SPTBN4: variants seen among roughly 807,000 people sequenced by gnomAD.
SPTBN4 encodes spectrin beta chain, non-erythrocytic 4.
A neutral mutation model predicts 277.8 loss-of-function variants in SPTBN4; 96 were observed. The observed-to-expected ratio is 0.35, with a 90% CI of 0.29 to 0.41. The LOEUF (loss-of-function observed/expected upper bound fraction) is 0.41. SPTBN4 is among the 10% of genes least tolerant of loss of function. SPTBN4 has a pLI of 1.00. For missense variants in SPTBN4, 3,006 were observed against 3,595.7 expected, an observed-to-expected ratio of 0.84 and a Z score of 4.19; for synonymous variants, 1,481 against 1,580.3, an observed-to-expected ratio of 0.94 and a Z score of 1.49.
At chr19:40,525,522 G>T (rs191850065) in intron 17 of SPTBN4, among the ~76,000 whole-genome samples, 2 of 152,026 alleles carry the variant, frequency 1.3e-5, no homozygotes, top group Non-Finnish European at 2.9e-5. Context: ...TGCATGCCAG[G>T]CTCAGCAAAA....
Position 40,532,752 on chromosome 19 carries a change from G to C in SPTBN4, c.4076G>C (p.Trp1359Ser). 1 of 1,612,774 alleles carries C rather than the reference G, an allele frequency of 6.2e-7. No homozygotes were observed. The highest frequency in any genetic ancestry group is 8.5e-7 in the Non-Finnish European group (1 of 1,179,288). ...FMAELAQNKE[W>S]LEKIEREGQQ... is the part of the protein sequence containing the mutation. ...GCCGAGCTGGCTCAGAATAAGGAGT[G>C]GCTGGAGAAGATCGAGCGGGTGAGG... The change falls in exon 19 of 36, where the codon TGG becomes TCG. Residue 1359 changes from tryptophan to serine, a missense_variant. Trp to Ser is a radical substitution (Grantham distance 177). Transcript: ENST00000598249.
intron 2 of SPTBN4, among the ~76,000 whole-genome samples, chr19:40,482,674 C>T (rs940478652): frequency 6.6e-6 from 1 of 152,130 alleles, no homozygotes; most frequent in Non-Finnish European, 1.5e-5. Context: ...CCAAATATAT[C>T]TCAGAGGCTG....
chr19:40,528,944 T>C (rs1237869185), intron 17 of SPTBN4, 97 bp from the exon 18 acceptor site: 3 of 889,966 alleles, frequency 3.4e-6, no homozygotes, highest in Non-Finnish European at 5.5e-6. Flanking sequence ...TCCACGCCCT[T>C]CTTCCCCTAC....
At chr19:40,485,123 G>C (rs559660504) in intron 2 of SPTBN4, among the ~76,000 whole-genome samples, 1 of 152,000 alleles carries the variant, frequency 6.6e-6, no homozygotes, top group African/African-American at 2.4e-5. Flanking sequence ...GATTACAGGC[G>C]TGAGCCACCG....
intron 16 of SPTBN4, 98 bp from the exon 17 acceptor site, chr19:40,523,339 C>T: frequency 8.5e-7 from 1 of 1,181,710 alleles, no homozygotes; most frequent in Non-Finnish European, 1.2e-6. Flanking sequence ...TCTATGCTTG[C>T]AAGGTTGCGG....
intron 7 of SPTBN4, among the ~76,000 whole-genome samples, chr19:40,501,144 G>A (rs1326386653): frequency 2.6e-5 from 4 of 151,388 alleles, no homozygotes; most frequent in Non-Finnish European, 5.9e-5. Flanking sequence ...AGGCTGAGGT[G>A]GGAGGATTGC....
At chr19:40,487,037 A>G (rs1422245969) in intron 2 of SPTBN4, among the ~76,000 whole-genome samples, 4 of 144,836 alleles carry the variant, frequency 2.8e-5, no homozygotes, top group Non-Finnish European at 4.5e-5. Flanking sequence ...CTGAGGCTGG[A>G]CTCTCTTTTT....
At position 40,568,136 on chromosome 19, in the gene SPTBN4, G is replaced by T; in HGVS notation, c.6810G>T (p.Gln2270His). ...EAARRRRPERQESAEHEAAHS... is the reference protein window; with the variant it reads ...EAARRRRPERHESAEHEAAHS... ...CGCGGAGGCGGCGGCCGGAGCGGCA[G>T]GAGTCAGCGGAGCACGAGGCGGCAC... The change falls in exon 31 of 36, where the codon CAG becomes CAT. Residue 2270 changes from glutamine (Q) to histidine (H), a missense_variant. Coordinates refer to ENST00000598249, the MANE Select transcript of SPTBN4 (RefSeq NM_020971.3). The T allele has an allele frequency of 6.3e-7, 1 of 1,576,872 alleles. No homozygotes were observed. The highest frequency in any genetic ancestry group is 2.3e-5 in the East Asian group (1 of 43,008).
intron 17 of SPTBN4, among the ~76,000 whole-genome samples, chr19:40,524,953 C>T (rs912619844): frequency 6.6e-6 from 1 of 152,206 alleles, no homozygotes; most frequent in African/African-American, 2.4e-5. Flanking sequence ...AGTCCTTTCT[C>T]ATCTTCCAGA....
chr19:40,515,179 G>T lies in SPTBN4; in HGVS notation c.2766-132G>T, dbSNP rs2080439585. ...AATTAAATAAAATAAGCAGCAAGTAGAAGAGAAGGAGCCCACAAAGGAGGC... is the reference window on the plus strand; with the variant it reads ...AATTAAATAAAATAAGCAGCAAGTATAAGAGAAGGAGCCCACAAAGGAGGC... On this transcript the variant is annotated intron_variant, in intron 14 of 35. Transcript: ENST00000598249. The surrounding 1 kb of genome is among the most constrained non-coding windows in gnomAD (Gnocchi z 4.1). The T allele has an allele frequency of 1.4e-6, 1 of 739,046 alleles. No homozygotes were observed. The highest frequency in any genetic ancestry group is 3.4e-5 in the South Asian group (1 of 29,302). 45.8% of individuals were successfully genotyped at this position (739,046 alleles called of 1,614,324 possible).
At chr19:40,482,760 G>A (rs1445176694) in intron 2 of SPTBN4, among the ~76,000 whole-genome samples, 2 of 151,954 alleles carry the variant, frequency 1.3e-5, no homozygotes, top group African/African-American at 2.4e-5. Context: ...TTGGGAGTTC[G>A]AGACCAACCT....
intron 1 of SPTBN4, among the ~76,000 whole-genome samples, chr19:40,470,554 G>T (rs1402357441): frequency 6.6e-6 from 1 of 151,606 alleles, no homozygotes; most frequent in African/African-American, 2.4e-5. Flanking sequence ...CGATCTGCCT[G>T]CCTTGGCCTC....
chr19:40,505,957 A>G (rs1010224554), intron 12 of SPTBN4, among the ~76,000 whole-genome samples: 39 of 152,330 alleles, frequency 2.6e-4, no homozygotes, highest in African/African-American at 9.1e-4. Context: ...AAACATTCAG[A>G]GAGAGACTGG....
intron 5 of SPTBN4, among the ~76,000 whole-genome samples, chr19:40,494,078 C>G (rs1034860701): frequency 6.6e-6 from 1 of 151,620 alleles, no homozygotes; most frequent in African/African-American, 2.4e-5. Context: ...GCCCCCAACT[C>G]TCTGCCCTGC....
chr19:40,531,713 G>A (rs1599772775), intron 18 of SPTBN4, among the ~76,000 whole-genome samples: 1 of 151,688 alleles, frequency 6.6e-6, no homozygotes, highest in East Asian at 1.9e-4. Flanking sequence ...TGGTGCTTGC[G>A]TTTTGGATGA....
chr19:40,505,700 GA>G (rs2080318515), intron 12 of SPTBN4, among the ~76,000 whole-genome samples: 1 of 116,512 alleles, frequency 8.6e-6, no homozygotes, highest in Non-Finnish European at 1.7e-5. Context: ...GAATGAAAGG[GA>G]GGAAGGAAGG....
chr19:40,566,225 G>T lies in SPTBN4; in HGVS notation c.6202G>T (p.Glu2068Ter). The T allele has an allele frequency of 6.4e-7, 1 of 1,554,848 alleles. No homozygotes were observed. The highest frequency in any genetic ancestry group is 8.7e-7 in the Non-Finnish European group (1 of 1,148,818). ...VVADAWLTAQ[E>*]PLLQSRELGS... is the part of the protein sequence containing the mutation. ...GGCTGATGCCTGGCTGACAGCCCAG[G>T]AGCCGCTCCTGCAGAGCCGGGAGCT... Residue 2068 changes from glutamate to a stop codon, truncating the protein, a stop_gained, in exon 30 of 36, where the codon GAG (glutamate) becomes TAG (stop). Transcript: ENST00000598249. LOFTEE classifies it high-confidence loss of function.
At chr19:40,549,070 G>A in intron 20 of SPTBN4, 119 bp from the exon 21 acceptor site, 2 of 763,338 alleles carry the variant, frequency 2.6e-6, no homozygotes, top group South Asian at 1.9e-5. Context: ...ACTGAACAAG[G>A]AGAGGGTGGA....
At chr19:40,529,194 C>A in intron 18 of SPTBN4, 63 bp downstream of exon 18, 1 of 1,390,696 alleles carries the variant, frequency 7.2e-7, no homozygotes, top group Non-Finnish European at 1.0e-6. Flanking sequence ...AAGTGCTTCT[C>A]GGCCGAGGTG....
Sources: allele counts gnomAD v4.1 joint callset (sites outside exome capture counted in the v4.1 genomes callset), GRCh38; gene constraint gnomAD v4.1.1; non-coding constraint Gnocchi (gnomAD v3.1); transcripts MANE v1.5; gene names NCBI Gene and HGNC (gene_info 2026-07-23, HGNC 2026-07-21).